NCEH1: variants seen among roughly 807,000 people sequenced by gnomAD.
NCEH1 encodes neutral cholesterol ester hydrolase 1, also known as 2-acetyl MAGE hydrolase.
NCEH1 carries 9 observed loss-of-function variants against 25.4 expected under a neutral mutation model. The ratio of observed to expected loss-of-function variants is 0.35; its 90% CI spans 0.21 to 0.62. The LOEUF is 0.62. Among genes scored for constraint, NCEH1 ranks in the 20% least tolerant of loss-of-function variants. The pLI, the probability that NCEH1 is intolerant of heterozygous loss-of-function variation, is 0.72. For synonymous variants in NCEH1, 200 were observed against 199.8 expected (o/e 1.00, Z -0.01); for missense variants, 412 against 501.1 (o/e 0.82, Z 1.70).
chr3:172,639,863 A>G (rs1335504572), intron 3 of NCEH1, among the ~76,000 whole-genome samples: 2 of 152,202 alleles, frequency 1.3e-5, no homozygotes, highest in Non-Finnish European at 2.9e-5. Context: ...CAAATGTTCT[A>G]CAGACGTATG....
chr3:172,683,285 C>T (rs1446673494), intron 1 of NCEH1, among the ~76,000 whole-genome samples: 1 of 116,640 alleles, frequency 8.6e-6, no homozygotes, highest in African/African-American at 3.5e-5. Context: ...CGCCTGTAGT[C>T]CCAGCTACTT....
chr3:172,630,410 C>G lies in NCEH1; in HGVS notation c.*3065G>C, dbSNP rs1194720593. The G allele has an allele frequency of 6.6e-6, 1 of 152,178 alleles. No homozygotes were observed. The highest frequency in any genetic ancestry group is 1.5e-5 in the Non-Finnish European group (1 of 68,034). 9.4% of individuals were successfully genotyped at this position (152,178 alleles called of 1,614,324 possible). A position where few individuals can be genotyped will look rare whatever the true frequency, so the allele number is the denominator to read the frequency against. On this transcript the variant is annotated 3_prime_UTR_variant, in exon 5 of 5. Coordinates refer to ENST00000475381, the MANE Select transcript of NCEH1 (RefSeq NM_020792.6). Reference sequence around the variant, plus strand: ...GAAGGTCCCAAAATAGTCCCAGGGCCTGCCTGGCTTTTATGAATATTCTAG... The same window carrying G: ...GAAGGTCCCAAAATAGTCCCAGGGCGTGCCTGGCTTTTATGAATATTCTAG...
rs1717093439 is a variant in NCEH1, at chr3:172,645,819, A to G, written c.368-127T>C. 9.4e-6 allele frequency: 5 copies of G among 531,368 alleles called. No homozygotes were observed. The African/African-American group carries it at 9.7e-5, about 10-fold the overall frequency. 32.9% of individuals were successfully genotyped at this position (531,368 alleles called of 1,614,324 possible). A position where few individuals can be genotyped will look rare whatever the true frequency, so the allele number is the denominator to read the frequency against. On this transcript the variant is annotated intron_variant, in intron 2 of 4. Coordinates refer to ENST00000475381, the MANE Select transcript of NCEH1 (RefSeq NM_020792.6). The stretch of plus-strand genomic sequence containing the variant: ...ACTAAAAACAAATAATAAAAAGCAA[A>G]TGTGAACAAATAATAGAGTTACATG...
intron 4 of NCEH1, among the ~76,000 whole-genome samples, 189 bp from the exon 5 acceptor site, chr3:172,634,281 A>C (rs1716508578): frequency 6.6e-6 from 1 of 152,200 alleles, no homozygotes; most frequent in South Asian, 2.1e-4. Context: ...CCACCCTATC[A>C]AGCTGCTAGA....
Position 172,634,101 on chromosome 3 carries a change from G to A in NCEH1, c.610-9C>T. 3 of 1,607,978 alleles carry A rather than the reference G, an allele frequency of 1.9e-6. No homozygotes were observed. The highest frequency in any genetic ancestry group is 2.5e-6 in the Non-Finnish European group (3 of 1,177,328). ...CTGGCATCTTGAGTAAACTAGAGAA[G>A]AGGAAGCAAATACATTATTTCATTT... On this transcript the variant is annotated splice_polypyrimidine_tract_variant and intron_variant, in intron 4 of 4. Coordinates refer to ENST00000475381, the MANE Select transcript of NCEH1 (RefSeq NM_020792.6).
At chr3:172,671,894 C>T (rs73880226) in intron 1 of NCEH1, among the ~76,000 whole-genome samples, 3,000 of 152,234 alleles carry the variant, frequency 0.02, 96 homozygotes, top group African/African-American at 0.069. Context: ...GCATTGTTGT[C>T]ATTGTGACAT....
At chr3:172,653,744 G>GTTTTTTTTTTTTTTTTTTT (rs796835886) in intron 1 of NCEH1, among the ~76,000 whole-genome samples, 4 of 95,672 alleles carry the variant, frequency 4.2e-5, no homozygotes, top group African/African-American at 1.7e-4. Flanking sequence ...TGTTTTTTTT[G>GTTTTTTTTTTTTTTTTTTT]TTTTTTTGTT....
At position 172,633,608 on chromosome 3, in the gene NCEH1, C is replaced by T; in HGVS notation, c.1094G>A (p.Gly365Asp). The change falls in exon 5 of 5, where the codon GGT (glycine) becomes GAT (aspartate). Residue 365 changes from glycine (G) to aspartate (D), a missense_variant. By Grantham distance (94) the Gly-to-Asp change is moderately conservative. Around this residue, in one of 3 missense-constraint regions of NCEH1, gnomAD observed 210 missense variants for 258.2 expected, o/e 0.81. Transcript: ENST00000475381. ...IMYAKRLESA[G>D]VEVTLDHFED... Reference sequence around the variant, plus strand: ...AAAGTGATCCAGGGTCACCTCCACACCGGCACTCTCCAAACGCTTGGCATA... The same window carrying T: ...AAAGTGATCCAGGGTCACCTCCACATCGGCACTCTCCAAACGCTTGGCATA... 6.2e-7 allele frequency: 1 copy of T among 1,614,178 alleles called. No individual in the cohort carries two copies. The highest frequency in any genetic ancestry group is 8.5e-7 in the Non-Finnish European group (1 of 1,180,028).
chr3:172,656,246 T>C (rs1717686812), intron 1 of NCEH1, among the ~76,000 whole-genome samples: 1 of 152,166 alleles, frequency 6.6e-6, no homozygotes. Flanking sequence ...GACTTGAACG[T>C]GCTTCTTGGG....
intron 1 of NCEH1, among the ~76,000 whole-genome samples, chr3:172,670,461 C>T (rs965751169): frequency 6.6e-6 from 1 of 152,202 alleles, no homozygotes; most frequent in African/African-American, 2.4e-5. Context: ...GGGATATCAT[C>T]AAGTACAATA....
chr3:172,697,107 G>T (rs13063669), intron 1 of NCEH1, among the ~76,000 whole-genome samples: 80,716 of 147,726 alleles, frequency 0.55, 22,242 homozygotes, highest in African/African-American at 0.63. Flanking sequence ...TTTTTTTTTT[G>T]AAGTATAGAT....
chr3:172,696,439 C>A (rs1713377838), intron 1 of NCEH1, among the ~76,000 whole-genome samples: 1 of 152,182 alleles, frequency 6.6e-6, no homozygotes, highest in South Asian at 2.1e-4. Flanking sequence ...AAATATATTT[C>A]TCGTGTGCCA....
At chr3:172,658,833 T>C (rs999971805) in intron 1 of NCEH1, among the ~76,000 whole-genome samples, 2 of 139,444 alleles carry the variant, frequency 1.4e-5, no homozygotes, top group African/African-American at 5.4e-5. Context: ...TCTTTCCAAT[T>C]CCAAAACTTT....
intron 1 of NCEH1, among the ~76,000 whole-genome samples, chr3:172,649,917 G>C (rs149857406): frequency 3.3e-3 from 510 of 152,320 alleles, no homozygotes; most frequent in Non-Finnish European, 5.8e-3. Context: ...TTAAACACTT[G>C]AGACAAATTA....
At chr3:172,642,020 CAGGAATT>C (rs1716872925) in intron 3 of NCEH1, among the ~76,000 whole-genome samples, 1 of 152,088 alleles carries the variant, frequency 6.6e-6, no homozygotes, top group Admixed American at 6.5e-5. Context: ...TCTATGAGGG[CAGGAATT>C]AAGTCATTCT....
intron 3 of NCEH1, among the ~76,000 whole-genome samples, chr3:172,642,343 G>GT (rs1006680140): frequency 3.3e-5 from 5 of 151,574 alleles, no homozygotes; most frequent in Admixed American, 2.0e-4. Flanking sequence ...CTGGCTAATT[G>GT]TTTTTTAACT....
At chr3:172,648,770 T>C (rs1717255647) in intron 1 of NCEH1, among the ~76,000 whole-genome samples, 2 of 152,142 alleles carry the variant, frequency 1.3e-5, no homozygotes, top group Admixed American at 6.5e-5. Flanking sequence ...GCAAAGACCA[T>C]ACTGCCTGAT....
At chr3:172,672,686 A>G (rs1210123531) in intron 1 of NCEH1, among the ~76,000 whole-genome samples, 2 of 152,218 alleles carry the variant, frequency 1.3e-5, no homozygotes, top group Non-Finnish European at 2.9e-5. Flanking sequence ...AATAGGGACC[A>G]GGAGGAGGCC....
chr3:172,701,530 ACCTCCACCTC>A (rs1270392842), intron 1 of NCEH1, among the ~76,000 whole-genome samples: 8 of 126,410 alleles, frequency 6.3e-5, no homozygotes, highest in African/African-American at 2.6e-4. Flanking sequence ...GCTGACTGCA[ACCTCCACCTC>A]CCAGATTCAA....
Sources: allele counts gnomAD v4.1 joint callset (sites outside exome capture counted in the v4.1 genomes callset), GRCh38; gene constraint gnomAD v4.1.1; regional missense constraint gnomAD v4.1.1; transcripts MANE v1.5; gene names NCBI Gene and HGNC (gene_info 2026-07-23, HGNC 2026-07-21).